The following NRXN1 variants were observed in gnomAD, a reference collection of about 807,000 sequenced individuals.
The protein encoded by NRXN1 is neurexin-1.
NRXN1 carries 39 observed loss-of-function variants against 150.9 expected under a neutral mutation model. The observed-to-expected ratio is 0.26, with a 90% CI of 0.20 to 0.34. NRXN1 has a LOEUF of 0.34. Ranked by LOEUF, NRXN1 falls within the 10% of genes least tolerant of loss-of-function variation. The pLI is 1.00. For missense variants in NRXN1, 1,815 were observed against 1,949.9 expected (o/e 0.93, Z 1.30); for synonymous variants, 924 against 757.0 (o/e 1.22, Z -3.62).
At chr2:50,334,502 T>C (rs993840249) in intron 17 of NRXN1, among the ~76,000 whole-genome samples, 3 of 152,178 alleles carry the variant, frequency 2.0e-5, no homozygotes. Flanking sequence ...ACTGATTCCC[T>C]TGCTGGAAAA....
At chr2:50,440,808 G>T (rs1332843653) in intron 17 of NRXN1, among the ~76,000 whole-genome samples, 1 of 152,046 alleles carries the variant, frequency 6.6e-6, no homozygotes, top group Non-Finnish European at 1.5e-5. Context: ...AAGCTATCAT[G>T]ATCTTTATGT....
intron 2 of NRXN1, among the ~76,000 whole-genome samples, chr2:50,951,544 T>C (rs1691337757): frequency 6.6e-6 from 1 of 152,116 alleles, no homozygotes; most frequent in Admixed American, 6.5e-5. Flanking sequence ...TATGCAAACC[T>C]GGAGGAGTTT....
At chr2:50,037,800 TACTC>T (rs1435553365) in intron 21 of NRXN1, among the ~76,000 whole-genome samples, 2 of 152,160 alleles carry the variant, frequency 1.3e-5, no homozygotes, top group Non-Finnish European at 2.9e-5. Context: ...ATACCATAAA[TACTC>T]AACCAAGTAG....
intron 5 of NRXN1, among the ~76,000 whole-genome samples, chr2:50,706,632 A>G (rs930217821): frequency 6.6e-6 from 1 of 152,074 alleles, no homozygotes; most frequent in African/African-American, 2.4e-5. Context: ...ACTATTAAAT[A>G]TTTCAGTTCT....
intron 18 of NRXN1, among the ~76,000 whole-genome samples, chr2:50,201,625 T>C (rs1397124809): frequency 1.3e-5 from 2 of 152,172 alleles, no homozygotes; most frequent in African/African-American, 2.4e-5. Flanking sequence ...GAAAAGAAGG[T>C]GTACTGGTTA....
intron 18 of NRXN1, among the ~76,000 whole-genome samples, chr2:50,161,341 T>C (rs1226563144): frequency 6.6e-6 from 1 of 152,176 alleles, no homozygotes; most frequent in African/African-American, 2.4e-5. Context: ...AAATCTGGAC[T>C]AGAATTCAAA....
intron 12 of NRXN1, among the ~76,000 whole-genome samples, chr2:50,527,508 C>T (rs2092987665): frequency 6.6e-6 from 1 of 152,088 alleles, no homozygotes. Context: ...TTTAATAAGT[C>T]ATCATTCTGT....
intron 21 of NRXN1, among the ~76,000 whole-genome samples, chr2:50,017,101 G>A (rs1005040614): frequency 6.6e-6 from 1 of 152,074 alleles, no homozygotes; most frequent in Non-Finnish European, 1.5e-5. Context: ...CATCTAATCA[G>A]CATTTTATGC....
chr2:50,428,161 C>T (rs996538529), intron 17 of NRXN1, among the ~76,000 whole-genome samples: 1 of 152,140 alleles, frequency 6.6e-6, no homozygotes, highest in Admixed American at 6.5e-5. Flanking sequence ...CATCTGTAAT[C>T]CCAGCACTTT....
chr2:50,458,349 A>G (rs2087798134), intron 17 of NRXN1, among the ~76,000 whole-genome samples: 1 of 152,134 alleles, frequency 6.6e-6, no homozygotes, highest in Non-Finnish European at 1.5e-5. Context: ...AGATAAGTAG[A>G]AGAAATAAGA....
At chr2:50,261,186 C>T (rs1310418340) in intron 17 of NRXN1, among the ~76,000 whole-genome samples, 1 of 151,600 alleles carries the variant, frequency 6.6e-6, no homozygotes, top group East Asian at 1.9e-4. Context: ...TCTGAAGCCC[C>T]GAGGAATATA....
At chr2:50,656,519 T>C (rs1686490074) in intron 5 of NRXN1, 1 of 606,352 alleles carries the variant, frequency 1.6e-6, no homozygotes. Flanking sequence ...AAGGGGAAGT[T>C]AATTTATCCC....
intron 9 of NRXN1, among the ~76,000 whole-genome samples, chr2:50,551,050 G>GAAGAAGAAGAAGAAGAAGAAGAA (rs1553775723): frequency 1.0e-4 from 8 of 78,990 alleles, no homozygotes; most frequent in African/African-American, 2.2e-4. Context: ...AAGAGGAAGA[G>GAAGAAGAAGAAGAAGAAGAAGAA]GAAGAAGAAG....
At chr2:50,208,179 C>G (rs540345910) in intron 18 of NRXN1, among the ~76,000 whole-genome samples, 7 of 152,216 alleles carry the variant, frequency 4.6e-5, no homozygotes, top group Non-Finnish European at 1.0e-4. Flanking sequence ...CACTCAACCA[C>G]TTTTGCACCT....
chr2:50,500,347 T>TA (rs200956406), intron 13 of NRXN1, among the ~76,000 whole-genome samples: 60 of 148,672 alleles, frequency 4.0e-4, no homozygotes, highest in Middle Eastern at 3.4e-3. Context: ...AGTTACAAGA[T>TA]AAAAAAAAAA....
intron 16 of NRXN1, among the ~76,000 whole-genome samples, chr2:50,470,929 T>C (rs549350092): frequency 1.3e-5 from 2 of 151,876 alleles, no homozygotes; most frequent in South Asian, 4.2e-4. Flanking sequence ...TATAGGAATA[T>C]TAGCCTGGGG....
At chr2:50,005,055 A>C (rs1393772945) in intron 21 of NRXN1, among the ~76,000 whole-genome samples, 1 of 152,162 alleles carries the variant, frequency 6.6e-6, no homozygotes, top group Non-Finnish European at 1.5e-5. Context: ...AGTAACCAAA[A>C]TAATAACAAA....
intron 5 of NRXN1, among the ~76,000 whole-genome samples, chr2:50,864,502 C>T (rs1476603521): frequency 2.0e-5 from 3 of 151,882 alleles, no homozygotes; most frequent in Non-Finnish European, 2.9e-5. Context: ...TAATAACAAC[C>T]ATTGTCATTT....
intron 17 of NRXN1, among the ~76,000 whole-genome samples, chr2:50,330,383 A>T (rs2076758557): frequency 6.6e-6 from 1 of 152,212 alleles, no homozygotes; most frequent in Non-Finnish European, 1.5e-5. Flanking sequence ...AAAGAGTTCG[A>T]CAGAAAGAAT....
Sources: gnomAD v4.1 joint callset for allele counts (sites outside exome capture counted in the v4.1 genomes callset) on GRCh38, gnomAD v4.1.1 for gene constraint, MANE v1.5 for transcripts, NCBI Gene and HGNC (gene_info 2026-07-23, HGNC 2026-07-21) for gene names.